The following NRXN1 variants were observed in gnomAD, a reference collection of about 807,000 sequenced individuals.
The protein encoded by NRXN1 is neurexin-1.
NRXN1 carries 39 observed loss-of-function variants against 150.9 expected under a neutral mutation model. The ratio of observed to expected loss-of-function variants is 0.26; its 90% CI spans 0.20 to 0.34. The LOEUF (loss-of-function observed/expected upper bound fraction) is 0.34, where lower values mean the gene tolerates loss of function less well. Among genes scored for constraint, NRXN1 ranks in the 10% least tolerant of loss-of-function variants. The probability of loss-of-function intolerance (pLI) is 1.00; values close to 1 mark genes in which losing one functional copy is unlikely to be tolerated. For missense variants in NRXN1, 1,815 were observed against 1,949.9 expected, an observed-to-expected ratio of 0.93 and a Z score of 1.30; for synonymous variants, 924 against 757.0, an observed-to-expected ratio of 1.22 and a Z score of -3.62.
chr2:50,485,493 G>C (rs757358789), intron 15 of NRXN1, among the ~76,000 whole-genome samples: 3 of 152,308 alleles, frequency 2.0e-5, no homozygotes, highest in Non-Finnish European at 2.9e-5. Flanking sequence ...CCGACCACTG[G>C]AGGATGCAGA....
chr2:50,843,637 A>G (rs977319723), intron 5 of NRXN1, among the ~76,000 whole-genome samples: 2 of 152,154 alleles, frequency 1.3e-5, no homozygotes, highest in African/African-American at 4.8e-5. Context: ...AACTGAAACT[A>G]CCTATCCGCC....
chr2:50,894,415 A>G (rs963043949), intron 5 of NRXN1, among the ~76,000 whole-genome samples: 23 of 151,694 alleles, frequency 1.5e-4, no homozygotes, highest in African/African-American at 5.3e-4. Flanking sequence ...TTCAGCAAAA[A>G]TGATTAAAGT....
chr2:50,635,265 C>T (rs2104436657), intron 5 of NRXN1, among the ~76,000 whole-genome samples: 1 of 151,946 alleles, frequency 6.6e-6, no homozygotes, highest in South Asian at 2.1e-4. Flanking sequence ...TCACGCCATT[C>T]TCCTGCCTCA....
chr2:49,945,782 T>A (rs1171579928), intron 21 of NRXN1, among the ~76,000 whole-genome samples: 3 of 152,210 alleles, frequency 2.0e-5, no homozygotes, highest in Non-Finnish European at 4.4e-5. Flanking sequence ...ATATCCAGTC[T>A]ATCATTGATG....
In NRXN1 at chr2:49,981,477, C is replaced by T. The variant is rs562672072; in HGVS notation, c.4129-37686G>A. ...AGTTGAGGCACAACAATGGACTATA[C>T]GAGAAACTTTTGGCTTGTCAGTGAA... On this transcript the variant is annotated intron_variant, in intron 21 of 22. Coordinates refer to ENST00000401669, the MANE Select transcript of NRXN1 (RefSeq NM_001330078.2). 9.3e-4 allele frequency among the ~76,000 whole-genome samples: 141 copies of T among 152,114 alleles called. 2 individuals are homozygous for T. The highest frequency in any genetic ancestry group is 6.5e-4 in the Admixed American group (10 of 15,272).
At chr2:50,551,857 T>C (rs1667592023) in intron 9 of NRXN1, among the ~76,000 whole-genome samples, 1 of 152,046 alleles carries the variant, frequency 6.6e-6, no homozygotes, top group African/African-American at 2.4e-5. Context: ...CTCTGCTTCC[T>C]GGATGATTAT....
intron 18 of NRXN1, among the ~76,000 whole-genome samples, chr2:50,199,775 T>C (rs1001025285): frequency 6.6e-5 from 10 of 152,122 alleles, no homozygotes; most frequent in Non-Finnish European, 1.3e-4. Flanking sequence ...AACTGAATGA[T>C]ACAAAATGGT....
At chr2:50,717,183 G>T (rs779794047) in intron 5 of NRXN1, among the ~76,000 whole-genome samples, 4 of 152,086 alleles carry the variant, frequency 2.6e-5, no homozygotes, top group African/African-American at 4.8e-5. Flanking sequence ...ATACATATAT[G>T]TTACTTCATT....
intron 2 of NRXN1, among the ~76,000 whole-genome samples, chr2:50,976,061 T>C (rs1259290172): frequency 6.6e-6 from 1 of 152,092 alleles, no homozygotes; most frequent in Non-Finnish European, 1.5e-5. Context: ...CCTTTGGCAT[T>C]GCTCCCAATA....
chr2:50,213,714 T>C, intron 18 of NRXN1, among the ~76,000 whole-genome samples: 1 of 148,640 alleles, frequency 6.7e-6, no homozygotes, highest in African/African-American at 2.5e-5. Context: ...TCAAAGAATC[T>C]TGTTTGGACT....
intron 9 of NRXN1, among the ~76,000 whole-genome samples, chr2:50,539,354 C>A (rs374028726): frequency 2.6e-5 from 4 of 152,090 alleles, no homozygotes; most frequent in African/African-American, 9.7e-5. Flanking sequence ...GTAAACCAAG[C>A]TAGTTATTTA....
In NRXN1 at chr2:50,981,821, GTGTGTGTGTGTGTGTGTGTGTA is replaced by G. The variant is rs1390506864; in HGVS notation, c.772+45659_772+45680del. ...CCTAATAATTGTTTGAATAAACAAT[GTGTGTGTGTGTGTGTGTGTGTA>G]TGTGTGTGTGTGTGTGTGTGGTGTG... is the stretch of plus-strand genomic sequence containing the variant. On this transcript the variant is annotated intron_variant, in intron 2 of 22. Coordinates refer to ENST00000401669, the MANE Select transcript of NRXN1 (RefSeq NM_001330078.2). Among the ~76,000 whole-genome samples, 8 of 40,178 alleles carry G rather than the reference GTGTGTGTGTGTGTGTGTGTGTA, an allele frequency of 2.0e-4. No individual in the cohort carries two copies. In the East Asian group the frequency reaches 4.9e-3, roughly 25 times the overall value. 26.4% of individuals were successfully genotyped at this position (40,178 alleles called of 152,430 possible).
chr2:50,218,655 A>G (rs895351173), intron 18 of NRXN1, among the ~76,000 whole-genome samples: 20 of 151,994 alleles, frequency 1.3e-4, no homozygotes, highest in African/African-American at 4.6e-4. Flanking sequence ...CAGCAAGGCC[A>G]TAGCTTATAT....
intron 21 of NRXN1, among the ~76,000 whole-genome samples, chr2:49,991,016 A>C (rs62134614): frequency 0.47 from 71,757 of 151,870 alleles, 17,619 homozygotes; most frequent in Middle Eastern, 0.63. Flanking sequence ...ATATAGAGTA[A>C]ATAATTTACT....
chr2:50,041,159 CTGTT>C (rs535144147), intron 21 of NRXN1, among the ~76,000 whole-genome samples: 1 of 152,184 alleles, frequency 6.6e-6, no homozygotes, highest in Non-Finnish European at 1.5e-5. Flanking sequence ...CAAGATCTGT[CTGTT>C]GTGAGGAATT....
rs1171399081 is a variant in NRXN1 at position 50,472,049 on chromosome 2, C to G, written c.3244+249G>C. Among the ~76,000 whole-genome samples the G allele has an allele frequency of 9.0e-5, 9 of 99,626 alleles. No homozygotes were observed. In the East Asian group the frequency reaches 2.4e-3, roughly 27 times the overall value. The allele number at this position is 99,626 out of a possible 152,430, so 65.4% of individuals were successfully genotyped here. A position where few individuals can be genotyped will look rare whatever the true frequency, so the allele number is the denominator to read the frequency against. On this transcript the variant is annotated intron_variant, in intron 16 of 22. Coordinates refer to ENST00000401669, the MANE Select transcript of NRXN1 (RefSeq NM_001330078.2). ...ACAAAAACAAAAACAAAAACAAAAG[C>G]AAAAACAGGCAAAAAAACCAAGATC...
At chr2:50,035,516 C>T (rs1450705922) in intron 21 of NRXN1, among the ~76,000 whole-genome samples, 1 of 152,068 alleles carries the variant, frequency 6.6e-6, no homozygotes, top group African/African-American at 2.4e-5. Context: ...AGCTATATTG[C>T]AATCCAGATA....
At chr2:50,242,693 A>G (rs1490221059) in intron 17 of NRXN1, among the ~76,000 whole-genome samples, 1 of 151,756 alleles carries the variant, frequency 6.6e-6, no homozygotes, top group African/African-American at 2.4e-5. Flanking sequence ...ATATGCATGT[A>G]AGGGTGCAAA....
intron 18 of NRXN1, among the ~76,000 whole-genome samples, chr2:50,197,751 C>A (rs2152829922): frequency 6.6e-6 from 1 of 152,134 alleles, no homozygotes; most frequent in East Asian, 1.9e-4. Context: ...AGACACAATT[C>A]TCCTCTGAGA....
Sources: allele counts gnomAD v4.1 joint callset (sites outside exome capture counted in the v4.1 genomes callset), GRCh38; gene constraint gnomAD v4.1.1; transcripts MANE v1.5; gene names NCBI Gene and HGNC (gene_info 2026-07-23, HGNC 2026-07-21).